RAB3C: variants seen among roughly 807,000 people sequenced by gnomAD.
The protein encoded by RAB3C is ras-related protein Rab-3C.
RAB3C carries 17 observed loss-of-function variants against 26.4 expected under a neutral mutation model. The observed-to-expected ratio is 0.64, with a 90% CI of 0.44 to 0.97. The LOEUF is 0.97. RAB3C is among the 50% of genes least tolerant of loss of function. The pLI is 0.00. For missense variants in RAB3C, 242 were observed against 281.9 expected, an observed-to-expected ratio of 0.86 and a Z score of 1.01; for synonymous variants, 91 against 95.9, an observed-to-expected ratio of 0.95 and a Z score of 0.30.
Position 58,598,325 on chromosome 5 carries a change from G to A in RAB3C, c.24+15093G>A, listed in dbSNP as rs111676144. 1.2e-3 allele frequency among the ~76,000 whole-genome samples: 186 copies of A among 150,322 alleles called. 1 individual carries two copies. The highest frequency in any genetic ancestry group is 4.2e-3 in the African/African-American group (171 of 40,504). ...TTGAAATAATGATATTGTAGACTTC[G>A]GTGATTTTCCAAATTCAGTATCAGA... On this transcript the variant is annotated intron_variant, in intron 1 of 4. Transcript: ENST00000282878.
intron 3 of RAB3C, 37 bp from the exon 4 acceptor site, chr5:58,825,001 T>G: frequency 1.3e-6 from 2 of 1,487,656 alleles, no homozygotes; most frequent in Non-Finnish European, 1.9e-6. Context: ...TGTTCTGCTT[T>G]CCTCTGATTG....
intron 3 of RAB3C, among the ~76,000 whole-genome samples, chr5:58,788,905 G>A (rs1335940370): frequency 6.6e-6 from 1 of 152,030 alleles, no homozygotes; most frequent in Non-Finnish European, 1.5e-5. Context: ...TGCCTGTCAA[G>A]GTTTTGTGAA....
intron 2 of RAB3C, among the ~76,000 whole-genome samples, chr5:58,640,157 G>A (rs1257635248): frequency 6.6e-6 from 1 of 152,156 alleles, no homozygotes; most frequent in Non-Finnish European, 1.5e-5. Context: ...AAAGACTAAA[G>A]AGAGAGAAAG....
At chr5:58,840,445 T>A (rs1743852986) in intron 4 of RAB3C, among the ~76,000 whole-genome samples, 1 of 152,224 alleles carries the variant, frequency 6.6e-6, no homozygotes, top group African/African-American at 2.4e-5. Context: ...TTGTTTTGAA[T>A]TCTTTTTCTG....
At chr5:58,671,554 G>A (rs956805802) in intron 2 of RAB3C, among the ~76,000 whole-genome samples, 6 of 152,190 alleles carry the variant, frequency 3.9e-5, no homozygotes, top group African/African-American at 1.2e-4. Flanking sequence ...AAAAAATTGT[G>A]CCCCTAAAAA....
At chr5:58,807,276 T>C (rs891892420) in intron 3 of RAB3C, among the ~76,000 whole-genome samples, 2 of 152,150 alleles carry the variant, frequency 1.3e-5, no homozygotes, top group African/African-American at 4.8e-5. Flanking sequence ...TGACTGAAGG[T>C]GATCTGTCTC....
intron 2 of RAB3C, chr5:58,647,635 A>G (rs1228937294): frequency 6.6e-6 from 1 of 152,228 alleles, no homozygotes; most frequent in East Asian, 1.9e-4. Context: ...TGAGATCTAT[A>G]CTTTGGCTGA....
intron 3 of RAB3C, among the ~76,000 whole-genome samples, chr5:58,747,011 GC>G (rs1347419800): frequency 6.6e-6 from 1 of 152,120 alleles, no homozygotes; most frequent in Non-Finnish European, 1.5e-5. Context: ...TAATTATTTT[GC>G]CAGAAACTTT....
At chr5:58,672,810 C>G (rs756698432) in intron 2 of RAB3C, among the ~76,000 whole-genome samples, 1 of 152,186 alleles carries the variant, frequency 6.6e-6, no homozygotes, top group Non-Finnish European at 1.5e-5. Flanking sequence ...AGTGGGTACT[C>G]TGAGAAAACA....
intron 2 of RAB3C, among the ~76,000 whole-genome samples, chr5:58,645,596 C>T (rs1561277187): frequency 6.6e-6 from 1 of 152,092 alleles, no homozygotes; most frequent in Non-Finnish European, 1.5e-5. Flanking sequence ...TAAAGATCTG[C>T]CTTTTCAAAA....
intron 2 of RAB3C, among the ~76,000 whole-genome samples, chr5:58,660,206 G>A (rs1214268697): frequency 6.7e-6 from 1 of 150,060 alleles, no homozygotes; most frequent in Non-Finnish European, 1.5e-5. Flanking sequence ...TCTATGCAAG[G>A]TAGATAGATG....
intron 1 of RAB3C, among the ~76,000 whole-genome samples, chr5:58,611,004 G>A (rs1436234012): frequency 1.3e-5 from 2 of 152,036 alleles, no homozygotes; most frequent in Non-Finnish European, 2.9e-5. Context: ...AGAACATGAA[G>A]TATTTGGTTT....
At chr5:58,723,544 A>G (rs1740819531) in intron 2 of RAB3C, among the ~76,000 whole-genome samples, 2 of 151,802 alleles carry the variant, frequency 1.3e-5, no homozygotes, top group African/African-American at 4.8e-5. Flanking sequence ...TAACACACAA[A>G]TTGGGAAAGA....
At chr5:58,657,800 G>T (rs1326093718) in intron 2 of RAB3C, among the ~76,000 whole-genome samples, 1 of 151,874 alleles carries the variant, frequency 6.6e-6, no homozygotes, top group Admixed American at 6.6e-5. Context: ...TTTTCTCTTA[G>T]TTTTATCCCC....
rs906494349 is a variant in RAB3C at position 58,778,017 on chromosome 5, C to A, written c.372-47021C>A. On this transcript the variant is annotated intron_variant, in intron 3 of 4. Coordinates refer to ENST00000282878, the MANE Select transcript of RAB3C (RefSeq NM_138453.4). ...TGTAATCCCTGAGTCCTGTTCAAAG[C>A]TTGTACATTGTGGGTGCTCATTTGA... Among the ~76,000 whole-genome samples the A allele has an allele frequency of 5.9e-5, 9 of 152,044 alleles. No individual in the cohort carries two copies. In the East Asian group the frequency reaches 1.7e-3, roughly 29 times the overall value.
intron 3 of RAB3C, among the ~76,000 whole-genome samples, chr5:58,727,739 T>C (rs775311121): frequency 5.9e-5 from 9 of 151,996 alleles, no homozygotes; most frequent in Non-Finnish European, 1.3e-4. Flanking sequence ...TGTCTTAAAA[T>C]GTTGAGATCC....
In RAB3C at chr5:58,585,035, T is replaced by C. The variant is rs530140501; in HGVS notation, c.24+1803T>C. Among the ~76,000 whole-genome samples, 3 of 152,238 alleles carry C rather than the reference T, an allele frequency of 2.0e-5. No homozygotes were observed. The East Asian group carries it at 5.8e-4, about 29-fold the overall frequency. ...AGGTAAAATGAAATTAATTTGCTTG[T>C]GGATGGAGTTATTGTCATATTTATA... On this transcript the variant is annotated intron_variant, in intron 1 of 4. Coordinates refer to ENST00000282878, the MANE Select transcript of RAB3C (RefSeq NM_138453.4).
At chr5:58,829,924 T>A (rs375292109) in intron 4 of RAB3C, among the ~76,000 whole-genome samples, 7 of 152,302 alleles carry the variant, frequency 4.6e-5, no homozygotes, top group South Asian at 2.1e-4. Context: ...ATATCTATAA[T>A]AATACTGCGG....
chr5:58,706,456 A>G (rs904178376), intron 2 of RAB3C, among the ~76,000 whole-genome samples: 4 of 152,244 alleles, frequency 2.6e-5, no homozygotes, highest in Non-Finnish European at 4.4e-5. Flanking sequence ...GAGTTGTAAT[A>G]TAATGAGAAT....
Sources: allele counts gnomAD v4.1 joint callset (sites outside exome capture counted in the v4.1 genomes callset), GRCh38; gene constraint gnomAD v4.1.1; transcripts MANE v1.5; gene names NCBI Gene and HGNC (gene_info 2026-07-23, HGNC 2026-07-21).